The following THSD7A variants were observed in gnomAD, a reference collection of about 807,000 sequenced individuals.
THSD7A encodes thrombospondin type-1 domain-containing protein 7A.
In THSD7A, 96 loss-of-function variants were observed where a neutral mutation model predicts 231.3. The ratio of observed to expected loss-of-function variants is 0.41; its 90% confidence interval spans 0.35 to 0.49. The LOEUF is 0.49. THSD7A is among the 20% of genes least tolerant of loss of function. THSD7A has a pLI of 0.05. For missense variants in THSD7A, 2,290 were observed against 2,070.2 expected, an observed-to-expected ratio of 1.11 and a Z score of -2.06; for synonymous variants, 940 against 743.3, an observed-to-expected ratio of 1.26 and a Z score of -4.30.
At chr7:11,786,172 T>C (rs1207061212) in intron 1 of THSD7A, among the ~76,000 whole-genome samples, 2 of 151,104 alleles carry the variant, frequency 1.3e-5, no homozygotes, top group Non-Finnish European at 2.9e-5. Flanking sequence ...GTAACTGCTC[T>C]CCCAGCACTG....
intron 13 of THSD7A, among the ~76,000 whole-genome samples, chr7:11,442,863 C>T (rs922518997): frequency 2.6e-5 from 4 of 152,016 alleles, no homozygotes; most frequent in Non-Finnish European, 5.9e-5. Context: ...TTTCTGAGAT[C>T]CTTTCGGAAT....
chr7:11,752,207 C>T (rs554648659), intron 1 of THSD7A, among the ~76,000 whole-genome samples: 1 of 152,162 alleles, frequency 6.6e-6, no homozygotes, highest in East Asian at 2.0e-4. Context: ...GTTTTCAAGG[C>T]TCCTTATCAC....
chr7:11,387,185 G>A (rs1782781308), intron 23 of THSD7A, among the ~76,000 whole-genome samples: 4 of 152,114 alleles, frequency 2.6e-5, no homozygotes, highest in Admixed American at 2.0e-4. Context: ...GATTGTCTTG[G>A]CTATGCGGGC....
chr7:11,570,036 G>A (rs1583996409), intron 4 of THSD7A, among the ~76,000 whole-genome samples: 1 of 152,188 alleles, frequency 6.6e-6, no homozygotes, highest in South Asian at 2.1e-4. Flanking sequence ...ACTAGGCATG[G>A]TAGTGTATGC....
At chr7:11,568,300 A>G (rs10243109) in intron 4 of THSD7A, among the ~76,000 whole-genome samples, 56,515 of 151,888 alleles carry the variant, frequency 0.37, 11,388 homozygotes, top group African/African-American at 0.53. Context: ...GACCTTCTGC[A>G]TATCTCTGTA....
chr7:11,391,476 A>T (rs1782978943), intron 23 of THSD7A, among the ~76,000 whole-genome samples: 1 of 152,164 alleles, frequency 6.6e-6, no homozygotes, highest in African/African-American at 2.4e-5. Flanking sequence ...TCAACCTCAG[A>T]CTGCTGTGCT....
intron 1 of THSD7A, among the ~76,000 whole-genome samples, chr7:11,732,934 G>A (rs554732563): frequency 2.6e-5 from 4 of 151,872 alleles, no homozygotes; most frequent in African/African-American, 7.2e-5. Context: ...GCATTGAACT[G>A]CCATATACCA....
chr7:11,779,595 A>G lies in THSD7A; in HGVS notation c.190+52162T>C, dbSNP rs142665034. On this transcript the variant is annotated intron_variant, in intron 1 of 27. Coordinates refer to ENST00000423059, the MANE Select transcript of THSD7A (RefSeq NM_015204.3). ...GGAATCACCTCCAGTTAATATTTCT[A>G]ACTTACATCCAAAGTGTATTTATTC... 8.5e-5 allele frequency among the ~76,000 whole-genome samples: 13 copies of G among 152,322 alleles called. No homozygotes were observed. In the East Asian group the frequency reaches 2.5e-3, roughly 29 times the overall value.
chr7:11,384,781 G>T (rs1782666082), intron 23 of THSD7A: 1 of 151,836 alleles, frequency 6.6e-6, no homozygotes. Context: ...CCTTGAATTA[G>T]TCTCCCACTT....
intron 2 of THSD7A, among the ~76,000 whole-genome samples, chr7:11,610,481 A>T (rs947751305): frequency 6.6e-6 from 1 of 152,126 alleles, no homozygotes; most frequent in Non-Finnish European, 1.5e-5. Flanking sequence ...CTTACAGTTG[A>T]TGAGATAGAG....
At chr7:11,745,766 A>C (rs1782278961) in intron 1 of THSD7A, among the ~76,000 whole-genome samples, 1 of 151,944 alleles carries the variant, frequency 6.6e-6, no homozygotes, top group South Asian at 2.1e-4. Flanking sequence ...GATATGTGGC[A>C]TTATTTCTGA....
chr7:11,524,625 C>T (rs1451105996), intron 6 of THSD7A, among the ~76,000 whole-genome samples: 2 of 152,118 alleles, frequency 1.3e-5, no homozygotes, highest in African/African-American at 4.8e-5. Context: ...CAGCCGGAAA[C>T]AGAGCTCCAC....
intron 2 of THSD7A, among the ~76,000 whole-genome samples, chr7:11,602,867 T>G (rs1780598044): frequency 6.6e-6 from 1 of 151,150 alleles, no homozygotes; most frequent in South Asian, 2.1e-4. Flanking sequence ...TTTATGGTTT[T>G]AGGTCTAACG....
Position 11,636,135 on chromosome 7 carries a change from A to G in THSD7A, c.1017T>C (p.Asp339=), listed in dbSNP as rs781764906. ...MCINKTGKAA[D]LSFCQQEKLP... is the part of the protein sequence containing the mutation. The stretch of plus-strand genomic sequence containing the variant: ...AACAGTAATTAAAATGTTACCTTAA[A>G]TCAGCAGCTTTCCCCGTCTTGTTAA... Residue 339 remains aspartate (D), a synonymous_variant, in exon 2 of 28, where the codon GAT becomes GAC. Coordinates refer to ENST00000423059, the MANE Select transcript of THSD7A (RefSeq NM_015204.3). This position sits in a 1 kb window ranked among gnomAD's most constrained non-coding sequence, Gnocchi z 10.0. 2 of 1,609,372 alleles carry G rather than the reference A, an allele frequency of 1.2e-6. No homozygotes were observed. The highest frequency in any genetic ancestry group is 1.1e-5 in the South Asian group (1 of 90,310).
chr7:11,796,045 T>C (rs1784114344), intron 1 of THSD7A, among the ~76,000 whole-genome samples: 1 of 36,624 alleles, frequency 2.7e-5, no homozygotes, highest in African/African-American at 1.1e-4. Context: ...TATATATATA[T>C]ATATATATAT....
Position 11,591,979 on chromosome 7 carries a change from G to A in THSD7A, c.1271+1275C>T, listed in dbSNP as rs376317443. Among the ~76,000 whole-genome samples the A allele has an allele frequency of 4.9e-4, 74 of 152,256 alleles. No individual in the cohort carries two copies. The South Asian group carries it at 0.015, about 31-fold the overall frequency. On this transcript the variant is annotated intron_variant, in intron 3 of 27. Coordinates refer to ENST00000423059, the MANE Select transcript of THSD7A (RefSeq NM_015204.3). Reference sequence around the variant, plus strand: ...AAAGGGCATGGAGAAAGATACTCAAGGATATATGTTTATTTTGTTAATTGT... The same window carrying A: ...AAAGGGCATGGAGAAAGATACTCAAAGATATATGTTTATTTTGTTAATTGT...
intron 1 of THSD7A, among the ~76,000 whole-genome samples, chr7:11,676,024 G>A (rs541976248): frequency 1.9e-3 from 285 of 152,302 alleles, no homozygotes; most frequent in African/African-American, 6.5e-3. Flanking sequence ...GCCCTGGCTG[G>A]AATCTGGCAG....
chr7:11,638,808 C>T (rs1781967040), intron 1 of THSD7A, among the ~76,000 whole-genome samples: 1 of 151,998 alleles, frequency 6.6e-6, no homozygotes, highest in African/African-American at 2.4e-5. Context: ...TGTCAAAATG[C>T]AATCCACCTA....
rs1415712463 is a variant in THSD7A, at chr7:11,446,434, A to G, written c.2801-110T>C. 1 of 1,202,872 alleles carries G rather than the reference A, an allele frequency of 8.3e-7. No individual in the cohort carries two copies. The highest frequency in any genetic ancestry group is 1.2e-6 in the Non-Finnish European group (1 of 862,728). The allele number at this position is 1,202,872 out of a possible 1,614,324, so 74.5% of individuals were successfully genotyped here. A position where few individuals can be genotyped will look rare whatever the true frequency, so the allele number is the denominator to read the frequency against. On this transcript the variant is annotated intron_variant, in intron 12 of 27. Coordinates refer to ENST00000423059, the MANE Select transcript of THSD7A (RefSeq NM_015204.3). The surrounding 1 kb of genome is among the most constrained non-coding windows in gnomAD (Gnocchi z 4.0). ...TTTCTTTTTCTTCATTTTTAACCAT[A>G]TTTAACAGTAGCCTATAAATCAATG...
Sources: gnomAD v4.1 joint callset for allele counts (sites outside exome capture counted in the v4.1 genomes callset) on GRCh38, gnomAD v4.1.1 for gene constraint, Gnocchi (gnomAD v3.1) non-coding constraint, MANE v1.5 for transcripts, NCBI Gene and HGNC (gene_info 2026-07-23, HGNC 2026-07-21) for gene names.